HIVEP1: variants seen among roughly 807,000 people sequenced by gnomAD.
HIVEP1 encodes the protein zinc finger protein 40.
A neutral mutation model predicts 180.0 loss-of-function variants in HIVEP1; 36 were observed. That is an observed-to-expected ratio of 0.20 (90% CI 0.15 to 0.26). The LOEUF is 0.26. HIVEP1 is among the 10% of genes least tolerant of loss of function. The probability of loss-of-function intolerance (pLI) is 1.00; values close to 1 mark genes in which losing one functional copy is unlikely to be tolerated. For missense variants in HIVEP1, 3,143 were observed against 3,268.7 expected (o/e 0.96, Z 0.94); for synonymous variants, 1,239 against 1,239.0 (o/e 1.00, Z 0.00).
the HIVEP1 span, among the ~76,000 whole-genome samples, chr6:12,181,961 C>T: frequency 6.6e-6 from 1 of 152,018 alleles, no homozygotes; most frequent in African/African-American, 2.4e-5. Context: ...TGATCAGAGC[C>T]GAGATATGGA....
intron 7 of HIVEP1, among the ~76,000 whole-genome samples, chr6:12,140,684 A>G (rs1367691154): frequency 1.3e-5 from 2 of 152,248 alleles, no homozygotes; most frequent in East Asian, 1.9e-4. Context: ...AAATGACCTG[A>G]TGGAGCAAAA....
intron 3 of HIVEP1, among the ~76,000 whole-genome samples, chr6:12,090,579 T>C (rs1014916934): frequency 2.0e-5 from 3 of 151,364 alleles, no homozygotes; most frequent in African/African-American, 7.3e-5. Flanking sequence ...GACCCTCTAA[T>C]GACATTCTTA....
downstream of HIVEP1, among the ~76,000 whole-genome samples, chr6:12,167,635 A>ATTACATG (rs1562023559): frequency 4.9e-5 from 5 of 102,392 alleles, 1 homozygote; most frequent in African/African-American, 1.0e-4. Context: ...TACATGTTAT[A>ATTACATG]TATACATATA....
chr6:12,195,998 TA>T, the HIVEP1 span, among the ~76,000 whole-genome samples: 1 of 152,212 alleles, frequency 6.6e-6, no homozygotes, highest in Non-Finnish European at 1.5e-5. Flanking sequence ...AGGCATTTGA[TA>T]AGGTCTTTTG....
chr6:12,118,239 A>C (rs1272464404), intron 3 of HIVEP1, among the ~76,000 whole-genome samples: 1 of 152,052 alleles, frequency 6.6e-6, no homozygotes, highest in Non-Finnish European at 1.5e-5. Flanking sequence ...CTGATGTCAC[A>C]ATATTACTAG....
At chr6:12,211,654 T>A in the HIVEP1 span, among the ~76,000 whole-genome samples, 80,486 of 151,434 alleles carry the variant, frequency 0.53, 21,989 homozygotes, top group East Asian at 0.68. Context: ...CATAAAGAAA[T>A]ATCATGTAAT....
intron 4 of HIVEP1, 106 bp from the exon 5 acceptor site, chr6:12,129,653 G>A (rs184674607): frequency 3.3e-5 from 29 of 891,572 alleles, no homozygotes; most frequent in Admixed American, 2.5e-4. Flanking sequence ...AATGCATTTC[G>A]TTGACCATAT....
Position 12,066,802 on chromosome 6 carries a change from C to T in HIVEP1, c.41-22382C>T, listed in dbSNP as rs959788124. ...TATTTCTTCAAGGTAACAGTGAAAA[C>T]GAATAACTAGAAGGCATTATGTTTA... is the stretch of plus-strand genomic sequence containing the variant. On this transcript the variant is annotated intron_variant, in intron 2 of 8. Coordinates refer to ENST00000379388, the MANE Select transcript of HIVEP1 (RefSeq NM_002114.4). 5.3e-5 allele frequency among the ~76,000 whole-genome samples: 8 copies of T among 151,770 alleles called. No individual in the cohort carries two copies. The East Asian group carries it at 5.8e-4, about 11-fold the overall frequency.
In HIVEP1 at chr6:12,121,525, G is replaced by A; in HGVS notation, c.1730G>A (p.Ser577Asn). The change falls in exon 4 of 9, where the codon AGT becomes AAT. Residue 577 changes from serine to asparagine, a missense_variant. This residue lies in a region of HIVEP1 where 365 missense variants were observed against 344.4 expected (regional missense o/e 1.06). Coordinates refer to ENST00000379388, the MANE Select transcript of HIVEP1 (RefSeq NM_002114.4). This position sits in a 1 kb window ranked among gnomAD's most constrained non-coding sequence, Gnocchi z 5.3. ...ACTGTGTCCCCCTTAAGAACTGACA[G>A]TCCAAAGGCCATGGATCCCAAGCCT... is the stretch of plus-strand genomic sequence containing the variant. ...HVTVSPLRTD[S>N]PKAMDPKPEL... is the part of the protein sequence containing the mutation. 6.2e-7 allele frequency: 1 copy of A among 1,614,182 alleles called. No homozygotes were observed. The highest frequency in any genetic ancestry group is 8.5e-7 in the Non-Finnish European group (1 of 1,180,036).
chr6:12,174,210 A>G, the HIVEP1 span, among the ~76,000 whole-genome samples: 1 of 152,324 alleles, frequency 6.6e-6, no homozygotes, highest in African/African-American at 2.4e-5. Flanking sequence ...TAATGAAATA[A>G]TATGCATCAT....
intron 2 of HIVEP1, among the ~76,000 whole-genome samples, chr6:12,047,152 C>T (rs1561885988): frequency 6.6e-6 from 1 of 152,080 alleles, no homozygotes; most frequent in Non-Finnish European, 1.5e-5. Context: ...AGCCACCGCG[C>T]CCAGCTGACC....
At chr6:12,189,510 A>G in the HIVEP1 span, among the ~76,000 whole-genome samples, 1 of 152,186 alleles carries the variant, frequency 6.6e-6, no homozygotes, top group Non-Finnish European at 1.5e-5. Context: ...ATGTGAATGA[A>G]TTTGGCATCT....
At chr6:12,092,260 A>G (rs1773523654) in intron 3 of HIVEP1, among the ~76,000 whole-genome samples, 1 of 152,160 alleles carries the variant, frequency 6.6e-6, no homozygotes, top group South Asian at 2.1e-4. Context: ...TCATATAAGT[A>G]TGTACCCCCA....
chr6:12,144,550 A>G (rs538232915), intron 7 of HIVEP1, among the ~76,000 whole-genome samples: 22 of 152,300 alleles, frequency 1.4e-4, no homozygotes, highest in Admixed American at 4.6e-4. Context: ...TAAACTAAAG[A>G]GCTTCTGCAC....
At position 12,082,314 on chromosome 6, in the gene HIVEP1, C is replaced by A. The variant is rs746383910; in HGVS notation, c.41-6870C>A. On this transcript the variant is annotated intron_variant, in intron 2 of 8. Coordinates refer to ENST00000379388, the MANE Select transcript of HIVEP1 (RefSeq NM_002114.4). ...GGTACCATAAATTATTTAACCATTT[C>A]TTAAATATTCATTCATTCAACAGAT... 4.0e-4 allele frequency among the ~76,000 whole-genome samples: 61 copies of A among 152,068 alleles called. 1 individual carries two copies. The highest frequency in any genetic ancestry group is 5.9e-4 in the Non-Finnish European group (40 of 68,008).
chr6:12,045,739 A>G (rs1770077316), intron 2 of HIVEP1, among the ~76,000 whole-genome samples: 1 of 152,212 alleles, frequency 6.6e-6, no homozygotes, highest in Non-Finnish European at 1.5e-5. Context: ...ACAAAGCTCA[A>G]ACCTCATTTA....
intron 2 of HIVEP1, among the ~76,000 whole-genome samples, chr6:12,072,524 C>T (rs1772042539): frequency 6.6e-6 from 1 of 152,124 alleles, no homozygotes; most frequent in Non-Finnish European, 1.5e-5. Context: ...GATCTGCAGG[C>T]TGATATTTTC....
Position 12,042,382 on chromosome 6 carries a change from C to CTT in HIVEP1, c.40+26729_40+26730dup, listed in dbSNP as rs11317475. ...AGGCGTGAGCCACCGCACCCGGCCG[C>CTT]TTTTTTTTTTTTTTTTGAGACAGAG... On this transcript the variant is annotated intron_variant, in intron 2 of 8. Transcript: ENST00000379388. Among the ~76,000 whole-genome samples the CTT allele has an allele frequency of 3.4e-3, 453 of 133,370 alleles. 3 individuals carry two copies. The highest frequency in any genetic ancestry group is 6.4e-3 in the African/African-American group (235 of 36,480). The allele number at this position is 133,370 out of a possible 152,430, so 87.5% of individuals were successfully genotyped here.
intron 2 of HIVEP1, among the ~76,000 whole-genome samples, chr6:12,049,294 A>G (rs1770339672): frequency 6.6e-6 from 1 of 152,202 alleles, no homozygotes; most frequent in Admixed American, 6.5e-5. Flanking sequence ...CCCCCTCGTG[A>G]GCAGCCTTCC....
Sources: allele counts gnomAD v4.1 joint callset (sites outside exome capture counted in the v4.1 genomes callset), GRCh38; gene constraint gnomAD v4.1.1; regional missense constraint gnomAD v4.1.1; non-coding constraint Gnocchi (gnomAD v3.1); transcripts MANE v1.5; gene names NCBI Gene and HGNC (gene_info 2026-07-23, HGNC 2026-07-21).